EFL1: variants seen among roughly 807,000 people sequenced by gnomAD.
EFL1 encodes the protein elongation factor-like GTPase 1.
A neutral mutation model predicts 126.7 loss-of-function variants in EFL1; 76 were observed. The ratio of observed to expected loss-of-function variants is 0.60; its 90% confidence interval spans 0.50 to 0.73. The LOEUF (loss-of-function observed/expected upper bound fraction) is 0.73. EFL1 is among the 30% of genes least tolerant of loss of function. The probability of loss-of-function intolerance (pLI) is 0.00; values close to 1 mark genes in which losing one functional copy is unlikely to be tolerated. For synonymous variants in EFL1, 410 were observed against 448.4 expected, an observed-to-expected ratio of 0.91 and a Z score of 1.08; for missense variants, 1,128 against 1,343.2, an observed-to-expected ratio of 0.84 and a Z score of 2.50.
chr15:82,261,743 G>A lies in EFL1; in HGVS notation c.36C>T (p.Leu12=). The A allele has an allele frequency of 1.2e-6, 2 of 1,614,030 alleles. No homozygotes were observed. The highest frequency in any genetic ancestry group is 8.5e-7 in the Non-Finnish European group (1 of 1,180,012). The part of the protein sequence containing the change: ...VLNSLDKMIQ[L]QKNTANIRNI... ...TCCTGATGTTGGCAGTGTTTTTCTG[G>A]AGTTGAATCATCTTATCCAAACTGT... The change falls in exon 2 of 20, where the codon CTC becomes CTT. Residue 12 remains leucine (L), a synonymous_variant. Transcript: ENST00000268206.
intron 15 of EFL1, among the ~76,000 whole-genome samples, chr15:82,179,800 G>C (rs1186369666): frequency 4.0e-5 from 5 of 123,712 alleles, no homozygotes; most frequent in Non-Finnish European, 6.5e-5. Context: ...ACTTCTATAT[G>C]GCTGGGTATG....
In EFL1 at chr15:82,214,720, G is replaced by A. The variant is rs370590853; in HGVS notation, c.1747C>T (p.Leu583=). 1.1e-4 allele frequency: 167 copies of A among 1,563,604 alleles called. 2 individuals are homozygous for A. In the South Asian group the frequency reaches 1.1e-3, roughly 10 times the overall value. The change falls in exon 15 of 20, where the codon CTA becomes TTA. Residue 583 remains leucine (L), a synonymous_variant. Transcript: ENST00000268206. ...YLEEVPPGNV[L]GIGGLQDFVL... ...AAAATAAACAGCATCACCCTACCTA[G>A]CACATTTCCTGGAGGTACCTCCTCT...
intron 15 of EFL1, among the ~76,000 whole-genome samples, chr15:82,199,274 C>T (rs1446051817): frequency 6.6e-6 from 1 of 152,252 alleles, no homozygotes; most frequent in African/African-American, 2.4e-5. Flanking sequence ...TTAGAATTAA[C>T]TTATGACACT....
At chr15:82,196,445 A>G (rs2074408862) in intron 15 of EFL1, among the ~76,000 whole-genome samples, 1 of 152,250 alleles carries the variant, frequency 6.6e-6, no homozygotes, top group Non-Finnish European at 1.5e-5. Flanking sequence ...ATTTTTAATA[A>G]TCATAGTAAG....
intron 15 of EFL1, among the ~76,000 whole-genome samples, chr15:82,200,213 A>T (rs982501384): frequency 6.6e-6 from 1 of 152,238 alleles, no homozygotes; most frequent in Non-Finnish European, 1.5e-5. Context: ...CATGAGAGTT[A>T]TAGAACGTAA....
At chr15:82,205,510 TACA>T (rs988863441) in intron 15 of EFL1, among the ~76,000 whole-genome samples, 2 of 152,034 alleles carry the variant, frequency 1.3e-5, no homozygotes, top group African/African-American at 2.4e-5. Flanking sequence ...TTTCCACTGA[TACA>T]ACAAGTATAA....
In EFL1 at chr15:82,219,597, A is replaced by G. The variant is rs1390267128; in HGVS notation, c.1611+55T>C. 5 of 1,539,200 alleles carry G rather than the reference A, an allele frequency of 3.2e-6. No homozygotes were observed. The East Asian group carries it at 7.0e-5, about 22-fold the overall frequency. On this transcript the variant is annotated intron_variant, in intron 14 of 19. Transcript: ENST00000268206. The stretch of plus-strand genomic sequence containing the variant: ...AATCACCAGTCCCAACAAAATGTGA[A>G]AAGATATCAGACCCTCGAGAAACAA...
chr15:82,228,455 G>T, intron 9 of EFL1, 128 bp from the exon 10 acceptor site: 3 of 1,228,312 alleles, frequency 2.4e-6, no homozygotes, highest in Non-Finnish European at 3.3e-6. Flanking sequence ...AAAAATGATT[G>T]AAGGGAATCC....
chr15:82,146,486 G>A (rs886412063), intron 18 of EFL1, among the ~76,000 whole-genome samples: 1 of 151,996 alleles, frequency 6.6e-6, no homozygotes, highest in Non-Finnish European at 1.5e-5. Flanking sequence ...ACAGCTGACT[G>A]CATTGATAGA....
chr15:82,169,605 T>C (rs2074113256), intron 15 of EFL1, among the ~76,000 whole-genome samples: 2 of 152,360 alleles, frequency 1.3e-5, no homozygotes, highest in Middle Eastern at 3.4e-3. Context: ...TAGTTCTTTA[T>C]GTAATAAACA....
At chr15:82,170,713 T>G (rs2074126799) in intron 15 of EFL1, among the ~76,000 whole-genome samples, 1 of 152,222 alleles carries the variant, frequency 6.6e-6, no homozygotes, top group Non-Finnish European at 1.5e-5. Context: ...GCATATTTAA[T>G]TTTTTTGTAT....
At chr15:82,248,042 C>A (rs2074989459) in intron 4 of EFL1, among the ~76,000 whole-genome samples, 1 of 152,112 alleles carries the variant, frequency 6.6e-6, no homozygotes. Context: ...CTAGAAATTA[C>A]TCTGTCCTTG....
At chr15:82,252,096 A>G (rs1281232976) in intron 4 of EFL1, among the ~76,000 whole-genome samples, 1 of 152,212 alleles carries the variant, frequency 6.6e-6, no homozygotes, top group Non-Finnish European at 1.5e-5. Flanking sequence ...ATATATATTA[A>G]ACATTTGTTT....
At chr15:82,138,447 T>G (rs2073748147) in intron 19 of EFL1, among the ~76,000 whole-genome samples, 1 of 151,692 alleles carries the variant, frequency 6.6e-6, no homozygotes, top group Non-Finnish European at 1.5e-5. Context: ...TGTGTGTGTG[T>G]GTGTGTGTGT....
intron 18 of EFL1, among the ~76,000 whole-genome samples, chr15:82,143,939 G>C (rs549053272): frequency 2.0e-5 from 3 of 152,078 alleles, no homozygotes; most frequent in Admixed American, 1.3e-4. Flanking sequence ...GGGCTCAAGC[G>C]ATCTCCTGCC....
At chr15:82,204,596 G>T (rs1451104651) in intron 15 of EFL1, among the ~76,000 whole-genome samples, 1 of 152,154 alleles carries the variant, frequency 6.6e-6, no homozygotes, top group African/African-American at 2.4e-5. Context: ...TTCCTAACCT[G>T]CATGAAACCA....
intron 7 of EFL1, chr15:82,233,764 T>C (rs1234239740): frequency 6.6e-6 from 1 of 152,206 alleles, no homozygotes; most frequent in Admixed American, 6.5e-5. Context: ...CAGCCTCTAG[T>C]CACACTTCTT....
At chr15:82,259,281 G>A (rs2075092419) in intron 2 of EFL1, 126 bp from the exon 3 acceptor site, 9 of 783,484 alleles carry the variant, frequency 1.1e-5, no homozygotes, top group Non-Finnish European at 1.9e-5. Flanking sequence ...ACCTATGCTA[G>A]GTGACAAAAG....
At chr15:82,195,182 A>G (rs1001825182) in intron 15 of EFL1, among the ~76,000 whole-genome samples, 4 of 152,224 alleles carry the variant, frequency 2.6e-5, no homozygotes, top group Non-Finnish European at 4.4e-5. Context: ...TTTCAAATGT[A>G]TTATCCAAAA....
Sources: gnomAD v4.1 joint callset for allele counts (sites outside exome capture counted in the v4.1 genomes callset) on GRCh38, gnomAD v4.1.1 for gene constraint, MANE v1.5 for transcripts, NCBI Gene and HGNC (gene_info 2026-07-23, HGNC 2026-07-21) for gene names.